CACNA2D1: variants seen among roughly 807,000 people sequenced by gnomAD.
CACNA2D1 encodes voltage-dependent calcium channel subunit alpha-2/delta-1.
In CACNA2D1, 53 loss-of-function variants were observed where a neutral mutation model predicts 171.5. The ratio of observed to expected loss-of-function variants is 0.31; its 90% CI spans 0.25 to 0.39. The LOEUF (loss-of-function observed/expected upper bound fraction) is 0.39. Among genes scored for constraint, CACNA2D1 ranks in the 10% least tolerant of loss-of-function variants. The pLI, the probability that CACNA2D1 is intolerant of heterozygous loss-of-function variation, is 1.00. For synonymous variants in CACNA2D1, 442 were observed against 443.1 expected (o/e 1.00, Z 0.03); for missense variants, 903 against 1,299.8 (o/e 0.69, Z 4.69).
chr7:82,169,608 T>A (rs1186255355), intron 4 of CACNA2D1, among the ~76,000 whole-genome samples: 1 of 152,018 alleles, frequency 6.6e-6, no homozygotes, highest in Non-Finnish European at 1.5e-5. Context: ...AAACCTCAGT[T>A]TAGTGTCTAC....
intron 18 of CACNA2D1, chr7:82,001,615 G>T: frequency 1.4e-6 from 1 of 722,280 alleles, no homozygotes; most frequent in South Asian, 1.5e-5. Flanking sequence ...CTTGGATTTA[G>T]CAAATTTGAA....
chr7:82,367,454 A>G (rs1038927864), intron 1 of CACNA2D1, among the ~76,000 whole-genome samples: 1 of 152,078 alleles, frequency 6.6e-6, no homozygotes, highest in Non-Finnish European at 1.5e-5. Context: ...GGAATTCTCA[A>G]CCATACTACA....
chr7:82,113,372 TG>T (rs1788669723), intron 6 of CACNA2D1, among the ~76,000 whole-genome samples: 1 of 152,156 alleles, frequency 6.6e-6, no homozygotes, highest in Non-Finnish European at 1.5e-5. Flanking sequence ...ATGCTTGTCT[TG>T]TATAATTCTA....
intron 10 of CACNA2D1, among the ~76,000 whole-genome samples, chr7:82,055,239 C>G (rs915973358): frequency 2.6e-5 from 4 of 152,036 alleles, no homozygotes; most frequent in African/African-American, 9.7e-5. Flanking sequence ...TCCCCTATAC[C>G]CTCTGGACAG....
chr7:82,191,822 T>C (rs1798324789), intron 3 of CACNA2D1, among the ~76,000 whole-genome samples: 1 of 151,836 alleles, frequency 6.6e-6, no homozygotes, highest in South Asian at 2.1e-4. Flanking sequence ...AAGTGAATTA[T>C]TTTATTAATG....
intron 6 of CACNA2D1, among the ~76,000 whole-genome samples, chr7:82,106,153 T>C (rs970701966): frequency 1.3e-5 from 2 of 152,180 alleles, no homozygotes; most frequent in Non-Finnish European, 2.9e-5. Flanking sequence ...TTTAAAATCT[T>C]TGTCGTTTTA....
intron 1 of CACNA2D1, among the ~76,000 whole-genome samples, chr7:82,398,874 C>T (rs913255403): frequency 6.6e-5 from 10 of 151,192 alleles, no homozygotes; most frequent in South Asian, 4.2e-4. Flanking sequence ...CCACCACACC[C>T]GGCCCCATTC....
chr7:82,299,458 C>T (rs1043259226), intron 3 of CACNA2D1, among the ~76,000 whole-genome samples: 1 of 151,832 alleles, frequency 6.6e-6, no homozygotes, highest in African/African-American at 2.4e-5. Flanking sequence ...GTCAGGAGTT[C>T]GAGACCAGCC....
intron 4 of CACNA2D1, among the ~76,000 whole-genome samples, chr7:82,149,335 T>C (rs903076797): frequency 6.6e-6 from 1 of 152,132 alleles, no homozygotes; most frequent in Admixed American, 6.5e-5. Flanking sequence ...ACACTGAGAC[T>C]AGGATTTGAG....
chr7:81,984,388 C>T (rs1301931424), intron 22 of CACNA2D1, among the ~76,000 whole-genome samples: 2 of 152,128 alleles, frequency 1.3e-5, no homozygotes, highest in Non-Finnish European at 2.9e-5. Context: ...TCTATGAGCA[C>T]ATAGCAAGGC....
intron 3 of CACNA2D1, among the ~76,000 whole-genome samples, chr7:82,291,169 G>GAATTATAATTCTATATCGATATAA: frequency 9.4e-6 from 1 of 106,098 alleles, no homozygotes; most frequent in South Asian, 2.8e-4. Context: ...TATCGATATA[G>GAATTATAATTCTATATCGATATAA]AATTATAATT....
intron 18 of CACNA2D1, among the ~76,000 whole-genome samples, chr7:82,004,676 T>C (rs1798947392): frequency 6.6e-6 from 1 of 152,112 alleles, no homozygotes; most frequent in Non-Finnish European, 1.5e-5. Context: ...CAACATTATC[T>C]TCAAAGTATA....
intron 14 of CACNA2D1, 29 bp from the exon 15 acceptor site, chr7:82,012,272 T>G (rs766877293): frequency 9.5e-7 from 1 of 1,049,866 alleles, no homozygotes; most frequent in Non-Finnish European, 1.4e-6. Flanking sequence ...AAAAAAGTCG[T>G]GGTTAAAACT....
intron 38 of CACNA2D1, among the ~76,000 whole-genome samples, chr7:81,954,312 ATATT>A (rs1186547573): frequency 2.6e-5 from 4 of 151,904 alleles, no homozygotes; most frequent in African/African-American, 7.2e-5. Context: ...TATTATATAT[ATATT>A]TATTTTAAAA....
intron 3 of CACNA2D1, among the ~76,000 whole-genome samples, chr7:82,200,728 G>A (rs1563193768): frequency 6.6e-6 from 1 of 152,062 alleles, no homozygotes; most frequent in Non-Finnish European, 1.5e-5. Context: ...ACAGAACTCA[G>A]GCCTAAAAAA....
At chr7:82,405,701 GT>G (rs1826954321) in intron 1 of CACNA2D1, among the ~76,000 whole-genome samples, 1 of 152,150 alleles carries the variant, frequency 6.6e-6, no homozygotes, top group Non-Finnish European at 1.5e-5. Flanking sequence ...GGGGATTATA[GT>G]TTGAGTGGTG....
chr7:82,117,466 A>G (rs1349067812), intron 5 of CACNA2D1, among the ~76,000 whole-genome samples: 1 of 152,152 alleles, frequency 6.6e-6, no homozygotes, highest in Non-Finnish European at 1.5e-5. Context: ...TTCCACACAT[A>G]TAATACTTAT....
intron 23 of CACNA2D1, 107 bp downstream of exon 23, chr7:81,983,207 T>C (rs1796612741): frequency 1.1e-6 from 1 of 951,922 alleles, no homozygotes; most frequent in East Asian, 2.5e-5. Flanking sequence ...GAAGGAAAAT[T>C]TAGCAAATGA....
intron 18 of CACNA2D1, among the ~76,000 whole-genome samples, chr7:81,999,630 C>G (rs984673558): frequency 2.6e-5 from 4 of 151,988 alleles, no homozygotes; most frequent in African/African-American, 9.7e-5. Context: ...TAAAACAGAC[C>G]ATTTTCAGGT....
Sources: allele counts gnomAD v4.1 joint callset (sites outside exome capture counted in the v4.1 genomes callset), GRCh38; gene constraint gnomAD v4.1.1; transcripts MANE v1.5; gene names NCBI Gene and HGNC (gene_info 2026-07-23, HGNC 2026-07-21).